The following SORD variants were observed in gnomAD, a reference collection of about 807,000 sequenced individuals.
SORD encodes the protein sorbitol dehydrogenase, also known as (R,R)-butanediol dehydrogenase.
A neutral mutation model predicts 35.6 loss-of-function variants in SORD; 18 were observed. That is an observed-to-expected ratio of 0.51 (90% CI 0.35 to 0.75). SORD has a LOEUF of 0.75. SORD is among the 30% of genes least tolerant of loss of function. The probability of loss-of-function intolerance (pLI) is 0.01; values close to 1 mark genes in which losing one functional copy is unlikely to be tolerated. For missense variants in SORD, 250 were observed against 390.2 expected (o/e 0.64, Z 3.03); for synonymous variants, 106 against 152.9 (o/e 0.69, Z 2.26).
chr15:45,055,502 C>T (rs1423346577), intron 3 of SORD, among the ~76,000 whole-genome samples: 1 of 152,154 alleles, frequency 6.6e-6, no homozygotes, highest in Non-Finnish European at 1.5e-5. Context: ...TAATCAATAG[C>T]TTACCAACCA....
Position 45,031,047 on chromosome 15 carries a change from C to G in SORD, c.66+7698C>G, listed in dbSNP as rs3784574. ...CAGGCAGTGATAGGGGAGGTCGGGG[C>G]AGCCATGGTGGTTCACACCTGTAAT... On this transcript the variant is annotated intron_variant, in intron 1 of 8. Coordinates refer to ENST00000267814, the MANE Select transcript of SORD (RefSeq NM_003104.6). Among the ~76,000 whole-genome samples the G allele has an allele frequency of 6.6e-4, 58 of 88,466 alleles. No individual in the cohort carries two copies. The African/African-American group carries it at 0.011, about 17-fold the overall frequency. 58.0% of individuals were successfully genotyped at this position (88,466 alleles called of 152,430 possible).
intron 3 of SORD, among the ~76,000 whole-genome samples, chr15:45,059,543 G>T (rs1893268781): frequency 6.6e-6 from 1 of 152,210 alleles, no homozygotes; most frequent in Non-Finnish European, 1.5e-5. Context: ...ACCCAGGTGG[G>T]AATGCAGTGG....
intron 1 of SORD, among the ~76,000 whole-genome samples, chr15:45,029,606 C>T (rs1373646457): frequency 6.6e-6 from 1 of 152,270 alleles, no homozygotes; most frequent in African/African-American, 2.4e-5. Flanking sequence ...TCAGTTGGCC[C>T]CTTGCCTCGC....
intron 1 of SORD, among the ~76,000 whole-genome samples, chr15:45,039,046 T>G (rs1262731332): frequency 6.6e-6 from 1 of 152,154 alleles, no homozygotes; most frequent in Admixed American, 6.5e-5. Context: ...AATTTCTCAT[T>G]TCCAAACTAA....
chr15:45,026,983 C>A (rs78032427), intron 1 of SORD, among the ~76,000 whole-genome samples: 3 of 152,044 alleles, frequency 2.0e-5, no homozygotes, highest in African/African-American at 7.2e-5. Flanking sequence ...TATGGCTGCA[C>A]GGAACAAAAA....
intron 1 of SORD, among the ~76,000 whole-genome samples, chr15:45,025,298 A>G (rs1892651879): frequency 6.6e-6 from 1 of 152,178 alleles, no homozygotes; most frequent in African/African-American, 2.4e-5. Flanking sequence ...TTTACTAGTC[A>G]GAGTAGATTA....
At chr15:45,062,378 C>T (rs1181614022) in intron 4 of SORD, among the ~76,000 whole-genome samples, 1 of 152,244 alleles carries the variant, frequency 6.6e-6, no homozygotes, top group Non-Finnish European at 1.5e-5. Context: ...GCGTGGCCCC[C>T]CATGGCCCCA....
intron 3 of SORD, among the ~76,000 whole-genome samples, chr15:45,060,727 G>C (rs1893288613): frequency 1.0e-5 from 1 of 99,320 alleles, no homozygotes; most frequent in Admixed American, 1.2e-4. Flanking sequence ...TAGCTGGGAA[G>C]TGGCTGTGGA....
chr15:45,070,194 T>C (rs1893487927), intron 7 of SORD: 2 of 152,050 alleles, frequency 1.3e-5, no homozygotes, highest in African/African-American at 4.8e-5. Context: ...GCCCCGCTGC[T>C]TAGGAGAGGA....
intron 1 of SORD, among the ~76,000 whole-genome samples, chr15:45,031,513 G>A (rs1892786200): frequency 6.6e-6 from 1 of 152,258 alleles, no homozygotes; most frequent in African/African-American, 2.4e-5. Flanking sequence ...CACGGGCAGA[G>A]CTTCTACAGG....
intron 1 of SORD, among the ~76,000 whole-genome samples, chr15:45,032,742 A>G (rs1243665503): frequency 6.6e-6 from 1 of 152,116 alleles, no homozygotes; most frequent in Non-Finnish European, 1.5e-5. Flanking sequence ...AGGAAATTCT[A>G]CCTCCTACTT....
At chr15:45,027,079 A>C (rs1892684583) in intron 1 of SORD, among the ~76,000 whole-genome samples, 1 of 152,272 alleles carries the variant, frequency 6.6e-6, no homozygotes, top group East Asian at 1.9e-4. Flanking sequence ...TAAGTCAGAC[A>C]CACACTAAGA....
chr15:45,061,352 C>T, intron 4 of SORD, 126 bp downstream of exon 4: 2 of 1,006,596 alleles, frequency 2.0e-6, no homozygotes, highest in East Asian at 2.5e-5. Context: ...ATCACCTGGA[C>T]AGGCTACTCT....
intron 2 of SORD, among the ~76,000 whole-genome samples, chr15:45,042,178 C>CTTTATTTATAAAATTTATTTATAAAATAA (rs1216257970): frequency 6.6e-6 from 1 of 152,114 alleles, no homozygotes; most frequent in African/African-American, 2.4e-5. Context: ...CAAAGGGGCT[C>CTTTATTTATAAAATTTATTTATAAAATAA]AGTACCATCT....
chr15:45,061,926 C>T (rs186821380), intron 4 of SORD, among the ~76,000 whole-genome samples: 255 of 152,246 alleles, frequency 1.7e-3, no homozygotes, highest in African/African-American at 5.5e-3. Context: ...ATGACAGCAA[C>T]GGCTGACATT....
intron 4 of SORD, among the ~76,000 whole-genome samples, chr15:45,063,161 T>C (rs1470286841): frequency 6.7e-6 from 1 of 148,982 alleles, no homozygotes; most frequent in East Asian, 2.0e-4. Flanking sequence ...CAGGGGGCTT[T>C]CTGCCTGTGT....
At chr15:45,044,822 C>G (rs574767911) in intron 3 of SORD, among the ~76,000 whole-genome samples, 2 of 151,850 alleles carry the variant, frequency 1.3e-5, no homozygotes, top group African/African-American at 2.4e-5. Flanking sequence ...CTCAGCCTCC[C>G]GAGTAGCTGG....
intron 3 of SORD, among the ~76,000 whole-genome samples, chr15:45,046,826 T>G (rs1358504452): frequency 6.6e-6 from 1 of 152,162 alleles, no homozygotes; most frequent in African/African-American, 2.4e-5. Context: ...AAGATCAGCC[T>G]GGTCAACATG....
At chr15:45,034,966 C>CT (rs1268354039) in intron 1 of SORD, among the ~76,000 whole-genome samples, 1 of 152,196 alleles carries the variant, frequency 6.6e-6, no homozygotes, top group African/African-American at 2.4e-5. Flanking sequence ...CAATGAGGGG[C>CT]TTAGCACCCG....
Sources: gnomAD v4.1 joint callset for allele counts (sites outside exome capture counted in the v4.1 genomes callset) on GRCh38, gnomAD v4.1.1 for gene constraint, MANE v1.5 for transcripts, NCBI Gene and HGNC (gene_info 2026-07-23, HGNC 2026-07-21) for gene names.